Variants in FRMD4A observed in about 807,000 individuals in gnomAD.
FRMD4A encodes FERM domain-containing protein 4A.
In FRMD4A, 29 loss-of-function variants were observed where a neutral mutation model predicts 129.1. That is an observed-to-expected ratio of 0.22 (90% CI 0.17 to 0.31). The LOEUF is 0.31. FRMD4A is among the 10% of genes least tolerant of loss of function. FRMD4A has a pLI of 1.00. For missense variants in FRMD4A, 1,272 were observed against 1,375.8 expected (o/e 0.92, Z 1.19); for synonymous variants, 634 against 571.6 (o/e 1.11, Z -1.56).
chr10:14,198,330 C>T (rs572923006), intron 2 of FRMD4A, among the ~76,000 whole-genome samples: 2 of 152,296 alleles, frequency 1.3e-5, no homozygotes, highest in South Asian at 4.1e-4. Context: ...CTGGAGAGAC[C>T]TGGGATGTTG....
chr10:13,893,625 G>A (rs1430710894), intron 2 of FRMD4A, among the ~76,000 whole-genome samples: 1 of 152,012 alleles, frequency 6.6e-6, no homozygotes, highest in African/African-American at 2.4e-5. Flanking sequence ...GGGTTCAAGC[G>A]ATTCTTCTGC....
At position 13,821,903 on chromosome 10, in the gene FRMD4A, G is replaced by A. The variant is rs962260843; in HGVS notation, c.112-10995C>T. Among the ~76,000 whole-genome samples, 5 of 152,204 alleles carry A rather than the reference G, an allele frequency of 3.3e-5. No individual in the cohort carries two copies. The highest frequency in any genetic ancestry group is 5.9e-5 in the Non-Finnish European group (4 of 67,998). On this transcript the variant is annotated intron_variant, in intron 3 of 24. Coordinates refer to ENST00000357447, the MANE Select transcript of FRMD4A (RefSeq NM_018027.5). This position sits in a 1 kb window ranked among gnomAD's most constrained non-coding sequence, Gnocchi z 4.3. Reference sequence around the variant, plus strand: ...TTACCAGCATAGGTGAGGTGGCCCCGAAGTGCCCGCCACACCTCCATCCTT... The same window carrying A: ...TTACCAGCATAGGTGAGGTGGCCCCAAAGTGCCCGCCACACCTCCATCCTT...
rs146277726 is a variant in FRMD4A, at chr10:13,985,052, T to G, written c.46-126140A>C. Among the ~76,000 whole-genome samples the G allele has an allele frequency of 3.2e-3, 491 of 152,260 alleles. 4 individuals are homozygous for G. The highest frequency in any genetic ancestry group is 0.011 in the African/African-American group (442 of 41,548). ...AGACATGCCTGCTGACATCTAGGAG[T>G]GGCTTAGCCTCATGAGCCCTGCTGG... On this transcript the variant is annotated intron_variant, in intron 2 of 24. Transcript: ENST00000357447.
intron 2 of FRMD4A, among the ~76,000 whole-genome samples, chr10:13,968,292 C>T (rs1436589711): frequency 2.6e-5 from 4 of 152,074 alleles, no homozygotes; most frequent in Non-Finnish European, 5.9e-5. Flanking sequence ...ATGAAGACAC[C>T]GCAAACTACA....
chr10:13,949,250 T>C (rs537475917), intron 2 of FRMD4A, among the ~76,000 whole-genome samples: 1 of 140,164 alleles, frequency 7.1e-6, no homozygotes, highest in Admixed American at 7.8e-5. Context: ...TTGTTGGCCC[T>C]GGTATGGGTG....
chr10:14,110,768 C>T (rs562134833), intron 2 of FRMD4A, among the ~76,000 whole-genome samples: 1 of 152,298 alleles, frequency 6.6e-6, no homozygotes, highest in Admixed American at 6.5e-5. Context: ...AATTCTTTCA[C>T]AAGCAGTTAC....
chr10:14,215,022 G>A (rs1843032983), intron 2 of FRMD4A, among the ~76,000 whole-genome samples: 1 of 152,034 alleles, frequency 6.6e-6, no homozygotes, highest in Non-Finnish European at 1.5e-5. Context: ...ATGATGAATT[G>A]GATCACTTAA....
Position 14,221,465 on chromosome 10 carries a change from G to A in FRMD4A, c.45+108593C>T, listed in dbSNP as rs116912727. Among the ~76,000 whole-genome samples, 64 of 152,272 alleles carry A rather than the reference G, an allele frequency of 4.2e-4. 1 individual carries two copies. The highest frequency in any genetic ancestry group is 3.3e-3 in the East Asian group (17 of 5,186). On this transcript the variant is annotated intron_variant, in intron 2 of 24. Coordinates refer to ENST00000357447, the MANE Select transcript of FRMD4A (RefSeq NM_018027.5). ...TGTGTTAGGGCCAACCCTGAATGGCGTGATCTGGAGAGGGGAATTGCAACA... is the reference window on the plus strand; with the variant it reads ...TGTGTTAGGGCCAACCCTGAATGGCATGATCTGGAGAGGGGAATTGCAACA...
At chr10:14,190,003 A>C (rs943570487) in intron 2 of FRMD4A, among the ~76,000 whole-genome samples, 2 of 152,200 alleles carry the variant, frequency 1.3e-5, no homozygotes, top group African/African-American at 4.8e-5. Flanking sequence ...TACCTCTAAT[A>C]CATAAGCCTA....
At chr10:14,089,428 T>C (rs529936705) in intron 2 of FRMD4A, among the ~76,000 whole-genome samples, 98 of 152,034 alleles carry the variant, frequency 6.4e-4, no homozygotes, top group Non-Finnish European at 1.2e-3. Context: ...TCACCTGCTC[T>C]GGGGAAAACA....
chr10:13,922,517 T>C (rs373972730), intron 2 of FRMD4A, among the ~76,000 whole-genome samples: 8 of 152,272 alleles, frequency 5.3e-5, no homozygotes, highest in African/African-American at 1.7e-4. Context: ...ATACAGGTGG[T>C]TTATTTTTTT....
intron 11 of FRMD4A, among the ~76,000 whole-genome samples, chr10:13,738,944 C>G (rs2090824468): frequency 6.6e-6 from 1 of 152,272 alleles, no homozygotes; most frequent in Admixed American, 6.5e-5. Context: ...ACAGAGACCT[C>G]TTGTCACCTG....
intron 4 of FRMD4A, among the ~76,000 whole-genome samples, chr10:13,809,198 G>A (rs1445766509): frequency 6.6e-6 from 1 of 152,168 alleles, no homozygotes; most frequent in Non-Finnish European, 1.5e-5. Flanking sequence ...TGCTGTTAGG[G>A]CAGTGATCTG....
intron 2 of FRMD4A, among the ~76,000 whole-genome samples, chr10:14,124,521 C>A (rs1838720124): frequency 6.6e-6 from 1 of 152,054 alleles, no homozygotes; most frequent in Non-Finnish European, 1.5e-5. Context: ...ACTATAAATA[C>A]AAAAATTAGC....
chr10:14,028,021 G>A (rs1422657159), intron 2 of FRMD4A, among the ~76,000 whole-genome samples: 2 of 152,236 alleles, frequency 1.3e-5, no homozygotes, highest in Non-Finnish European at 2.9e-5. Context: ...ATTCATACAA[G>A]CAAGTTCACG....
chr10:13,647,492 TGTCCTCCGTG>T (rs2081200738), intron 24 of FRMD4A: 2 of 151,844 alleles, frequency 1.3e-5, no homozygotes, highest in South Asian at 4.2e-4. Context: ...CTGCCCGGGT[TGTCCTCCGTG>T]AGACCCCAGG....
chr10:13,655,692 T>G (rs562603663), intron 22 of FRMD4A: 7 of 152,350 alleles, frequency 4.6e-5, no homozygotes, highest in African/African-American at 1.4e-4. Context: ...TTATCTCAGG[T>G]CACTCTGTTT....
chr10:13,927,499 A>G (rs2095146997), intron 2 of FRMD4A, among the ~76,000 whole-genome samples: 1 of 152,180 alleles, frequency 6.6e-6, no homozygotes, highest in Non-Finnish European at 1.5e-5. Flanking sequence ...AGAATTTTCT[A>G]TTTCAATTGG....
chr10:14,179,953 G>A (rs927135060), intron 2 of FRMD4A, among the ~76,000 whole-genome samples: 2 of 152,204 alleles, frequency 1.3e-5, no homozygotes, highest in African/African-American at 4.8e-5. Context: ...AGAATCGCTT[G>A]AATCCAGGAG....
Sources: allele counts gnomAD v4.1 joint callset (sites outside exome capture counted in the v4.1 genomes callset), GRCh38; gene constraint gnomAD v4.1.1; non-coding constraint Gnocchi (gnomAD v3.1); transcripts MANE v1.5; gene names NCBI Gene and HGNC (gene_info 2026-07-23, HGNC 2026-07-21).